The following MAD1L1 variants were observed in gnomAD, a reference collection of about 807,000 sequenced individuals.
MAD1L1 encodes mitotic spindle assembly checkpoint protein MAD1.
Under a neutral mutation model 96.9 loss-of-function variants are expected in MAD1L1, and 95 were observed. That is an observed-to-expected ratio of 0.98 (90% CI 0.83 to 1.16). The LOEUF is 1.16. Ranked by LOEUF, MAD1L1 falls within the 50% of genes most tolerant of loss-of-function variation. MAD1L1 has a pLI of 0.00. For synonymous variants in MAD1L1, 473 were observed against 396.6 expected (o/e 1.19, Z -2.29); for missense variants, 1,007 against 954.4 (o/e 1.06, Z -0.73).
chr7:2,021,755 ACT>A (rs1448820828), intron 12 of MAD1L1, among the ~76,000 whole-genome samples: 3 of 151,492 alleles, frequency 2.0e-5, no homozygotes, highest in Admixed American at 1.3e-4. Context: ...ACAGAGTGAG[ACT>A]CTGTCTCAAA....
rs1789060170 is a variant in MAD1L1 at position 2,142,013 on chromosome 7, C to T, written c.1073+7139G>A. Among the ~76,000 whole-genome samples the T allele has an allele frequency of 6.6e-6, 1 of 152,212 alleles. No homozygotes were observed. The highest frequency in any genetic ancestry group is 1.5e-5 in the Non-Finnish European group (1 of 68,038). ...CAGCCGTGAGCACAGAATGGGCCTG[C>T]TCCCCTGTCACCTTGAGCAGCGCAC... is the stretch of plus-strand genomic sequence containing the variant. On this transcript the variant is annotated intron_variant, in intron 11 of 18. Transcript: ENST00000265854. The surrounding 1 kb of genome is among the most constrained non-coding windows in gnomAD (Gnocchi z 4.7).
At position 2,065,851 on chromosome 7, in the gene MAD1L1, T is replaced by A. The variant is rs149635387; in HGVS notation, c.1218+3343A>T. The stretch of plus-strand genomic sequence containing the variant: ...ACAACAAGGGGTGGGAAGCGGAGGC[T>A]TTTCTGTCATTTGAAAAGTTTCTTG... On this transcript the variant is annotated intron_variant, in intron 12 of 18. Transcript: ENST00000265854. Among the ~76,000 whole-genome samples the A allele has an allele frequency of 3.3e-5, 5 of 152,318 alleles. No individual in the cohort carries two copies. In the East Asian group the frequency reaches 9.7e-4, roughly 29 times the overall value.
chr7:2,034,511 C>T (rs370451625), intron 12 of MAD1L1, among the ~76,000 whole-genome samples: 21 of 152,274 alleles, frequency 1.4e-4, no homozygotes, highest in African/African-American at 4.3e-4. Flanking sequence ...CCACCGCAGC[C>T]GGCCAAGAGT....
intron 10 of MAD1L1, among the ~76,000 whole-genome samples, chr7:2,157,810 T>C (rs73039245): frequency 0.026 from 4,025 of 152,330 alleles, 92 homozygotes; most frequent in South Asian, 0.076. Context: ...GTGTTTATTT[T>C]CCAGAAGCCT....
intron 4 of MAD1L1, among the ~76,000 whole-genome samples, chr7:2,223,302 AC>A (rs1280385613): frequency 6.6e-6 from 1 of 151,810 alleles, no homozygotes; most frequent in Non-Finnish European, 1.5e-5. Context: ...CTCCAGACCC[AC>A]CCCCCACGAC....
intron 18 of MAD1L1, among the ~76,000 whole-genome samples, chr7:1,826,723 G>A (rs535546014): frequency 3.3e-5 from 5 of 152,372 alleles, no homozygotes; most frequent in South Asian, 2.1e-4. Flanking sequence ...CAAATGTCCC[G>A]GCATGAAGTT....
intron 10 of MAD1L1, chr7:2,175,233 G>C (rs2128597453): frequency 6.6e-6 from 1 of 152,170 alleles, no homozygotes; most frequent in East Asian, 1.9e-4. Context: ...GCTGAGCAAG[G>C]ACCAGGGCCT....
intron 15 of MAD1L1, among the ~76,000 whole-genome samples, chr7:1,979,108 A>C (rs1448088776): frequency 6.6e-6 from 1 of 152,212 alleles, no homozygotes; most frequent in Non-Finnish European, 1.5e-5. Flanking sequence ...AAGAGGGGCC[A>C]TCCACAGGTG....
At chr7:2,019,787 C>T (rs1400521770) in intron 12 of MAD1L1, among the ~76,000 whole-genome samples, 1 of 152,232 alleles carries the variant, frequency 6.6e-6, no homozygotes, top group Admixed American at 6.5e-5. Context: ...CGTCCCTGTG[C>T]TCGGCCCACG....
At chr7:2,038,498 CTTTTTTTTTTT>C (rs60466584) in intron 12 of MAD1L1, among the ~76,000 whole-genome samples, 59 of 92,844 alleles carry the variant, frequency 6.4e-4, no homozygotes, top group African/African-American at 1.5e-3. Context: ...AAGCTGATGA[CTTTTTTTTTTT>C]TTTTTTTTTT....
At chr7:1,988,326 G>A (rs149798522) in intron 14 of MAD1L1, among the ~76,000 whole-genome samples, 11 of 152,258 alleles carry the variant, frequency 7.2e-5, no homozygotes, top group Non-Finnish European at 1.3e-4. Context: ...CAGCCCGGCC[G>A]TCCCCCGTTC....
intron 17 of MAD1L1, among the ~76,000 whole-genome samples, chr7:1,920,378 C>T (rs192909796): frequency 6.6e-6 from 1 of 152,222 alleles, no homozygotes; most frequent in Non-Finnish European, 1.5e-5. Flanking sequence ...GGAGCAGGGG[C>T]AGAGAAAGTC....
chr7:1,894,695 GC>G (rs1005783524), intron 18 of MAD1L1, among the ~76,000 whole-genome samples: 3 of 152,124 alleles, frequency 2.0e-5, no homozygotes, highest in Admixed American at 2.0e-4. Flanking sequence ...GGAGGCCCCA[GC>G]CCTCCAAAGA....
At position 1,827,574 on chromosome 7, in the gene MAD1L1, GGC is replaced by G. The variant is rs1183787850; in HGVS notation, c.1999-11348_1999-11347del. ...CCCCTCCTGAGCCCGTCCCGGGTGT[GGC>G]ATCCTCCCCTCCTGAGCCCGTCCCG... On this transcript the variant is annotated intron_variant, in intron 18 of 18. Coordinates refer to ENST00000265854, the MANE Select transcript of MAD1L1 (RefSeq NM_001013836.2). Among the ~76,000 whole-genome samples the G allele has an allele frequency of 8.6e-4, 101 of 117,082 alleles. 6 individuals are homozygous for G. The highest frequency in any genetic ancestry group is 3.0e-3 in the African/African-American group (94 of 31,160). The allele number at this position is 117,082 out of a possible 152,430, so 76.8% of individuals were successfully genotyped here. A position where few individuals can be genotyped will look rare whatever the true frequency, so the allele number is the denominator to read the frequency against.
At chr7:1,963,042 C>A (rs1277198585) in intron 15 of MAD1L1, among the ~76,000 whole-genome samples, 1 of 152,212 alleles carries the variant, frequency 6.6e-6, no homozygotes, top group Non-Finnish European at 1.5e-5. Flanking sequence ...CTCTGGAAGA[C>A]GGGCAACCTC....
intron 13 of MAD1L1, among the ~76,000 whole-genome samples, chr7:2,012,962 G>C (rs1782369031): frequency 6.6e-6 from 1 of 152,238 alleles, no homozygotes; most frequent in Non-Finnish European, 1.5e-5. Context: ...TCCCTGAACA[G>C]CTGCTGGGAC....
chr7:1,920,387 T>G (rs1788709022), intron 17 of MAD1L1, among the ~76,000 whole-genome samples: 1 of 152,232 alleles, frequency 6.6e-6, no homozygotes, highest in Middle Eastern at 3.4e-3. Flanking sequence ...GCAGAGAAAG[T>G]CGGGGAGACT....
At chr7:1,868,160 G>GCA (rs2128653076) in intron 18 of MAD1L1, among the ~76,000 whole-genome samples, 1 of 152,322 alleles carries the variant, frequency 6.6e-6, no homozygotes, top group Admixed American at 6.5e-5. Context: ...CCAGACACCA[G>GCA]CACTCCTGAC....
chr7:1,887,847 G>A (rs1355895828), intron 18 of MAD1L1, among the ~76,000 whole-genome samples: 2 of 34,524 alleles, frequency 5.8e-5, no homozygotes, highest in African/African-American at 3.4e-4. Context: ...GGCGTCCTGT[G>A]CGTGTGTGTG....
Sources: allele counts gnomAD v4.1 joint callset (sites outside exome capture counted in the v4.1 genomes callset), GRCh38; gene constraint gnomAD v4.1.1; non-coding constraint Gnocchi (gnomAD v3.1); transcripts MANE v1.5; gene names NCBI Gene and HGNC (gene_info 2026-07-23, HGNC 2026-07-21).